The following FSTL4 variants were observed in gnomAD, a reference collection of about 807,000 sequenced individuals.
FSTL4 encodes the protein follistatin-related protein 4.
Under a neutral mutation model 78.2 loss-of-function variants are expected in FSTL4, and 28 were observed. That is an observed-to-expected ratio of 0.36 (90% confidence interval 0.27 to 0.49). The LOEUF (loss-of-function observed/expected upper bound fraction) is 0.49, where lower values mean the gene tolerates loss of function less well. Ranked by LOEUF, FSTL4 falls within the 20% of genes least tolerant of loss-of-function variation. The pLI is 0.98. For synonymous variants in FSTL4, 422 were observed against 440.5 expected (o/e 0.96, Z 0.53); for missense variants, 922 against 1,084.9 (o/e 0.85, Z 2.11).
At chr5:133,466,147 G>C (rs1247834392) in intron 3 of FSTL4, among the ~76,000 whole-genome samples, 5 of 152,194 alleles carry the variant, frequency 3.3e-5, no homozygotes, top group African/African-American at 1.2e-4. Context: ...AAAGGAGGGG[G>C]CAGGGTGGGG....
chr5:133,274,197 G>A (rs988146830), intron 6 of FSTL4, among the ~76,000 whole-genome samples: 3 of 152,054 alleles, frequency 2.0e-5, no homozygotes, highest in Non-Finnish European at 4.4e-5. Flanking sequence ...AGCCAAAGGT[G>A]GTTCCCATTT....
rs115581495 is a variant in FSTL4 at position 133,456,336 on chromosome 5, G to A, written c.161-55350C>T. The stretch of plus-strand genomic sequence containing the variant: ...CAAGTGGGCCATGCTCGGACTGGAC[G>A]CCAACTTAGGCCTTGTGATAGCTTT... On this transcript the variant is annotated intron_variant, in intron 3 of 15. Coordinates refer to ENST00000265342, the MANE Select transcript of FSTL4 (RefSeq NM_015082.2). 3.8e-3 allele frequency among the ~76,000 whole-genome samples: 586 copies of A among 152,340 alleles called. 2 individuals are homozygous for A. Among genetic ancestry groups the A allele is most frequent in the African/African-American group, 0.013 (532 of 41,588 alleles).
chr5:133,459,119 C>T (rs777608608), intron 3 of FSTL4, among the ~76,000 whole-genome samples: 6 of 152,216 alleles, frequency 3.9e-5, no homozygotes, highest in Non-Finnish European at 7.3e-5. Flanking sequence ...TCTCGGGAAG[C>T]TTTCAGCCAG....
Position 133,199,078 on chromosome 5 carries a change from G to A in FSTL4, c.*17C>T, listed in dbSNP as rs746807141. The A allele has an allele frequency of 4.1e-6, 6 of 1,457,980 alleles. No homozygotes were observed. The highest frequency in any genetic ancestry group is 1.4e-5 in the South Asian group (1 of 73,918). The allele number at this position is 1,457,980 out of a possible 1,614,324, so 90.3% of individuals were successfully genotyped here. On this transcript the variant is annotated 3_prime_UTR_variant, in exon 16 of 16. Coordinates refer to ENST00000265342, the MANE Select transcript of FSTL4 (RefSeq NM_015082.2). This position sits in a 1 kb window ranked among gnomAD's most constrained non-coding sequence, Gnocchi z 4.4. ...ACTAGGGGGTGTTCCTTGGCCCAGG[G>A]CTCTGCTCTGGGCCCTTCATACCTC...
At chr5:133,390,506 C>A (rs700714) in intron 4 of FSTL4, among the ~76,000 whole-genome samples, 68,683 of 152,172 alleles carry the variant, frequency 0.45, 17,144 homozygotes, top group Admixed American at 0.57. Flanking sequence ...TGGGCACAAG[C>A]TCACCTACAA....
At chr5:133,349,415 C>T (rs888734652) in intron 4 of FSTL4, among the ~76,000 whole-genome samples, 1 of 152,108 alleles carries the variant, frequency 6.6e-6, no homozygotes, top group Non-Finnish European at 1.5e-5. Context: ...ACCCACAAGG[C>T]ACAACCTCAC....
At chr5:133,233,344 G>A (rs1751552591) in intron 8 of FSTL4, 73 bp downstream of exon 8, 1 of 1,510,994 alleles carries the variant, frequency 6.6e-7, no homozygotes, top group Non-Finnish European at 9.2e-7. Context: ...AATACAGGAG[G>A]GGGCGAGGGT....
rs1175761180 is a variant in FSTL4, at chr5:133,338,795, CACT to C, written c.410-22146_410-22144del. On this transcript the variant is annotated intron_variant, in intron 4 of 15. Transcript: ENST00000265342. This position sits in a 1 kb window ranked among gnomAD's most constrained non-coding sequence, Gnocchi z 4.0. ...CCTGCTTCCCAAATCGCACACCTGG[CACT>C]ACCTCACCATCTTGCCCATCCCCAG... is the stretch of plus-strand genomic sequence containing the variant. Among the ~76,000 whole-genome samples the C allele has an allele frequency of 2.0e-5, 3 of 152,138 alleles. No individual in the cohort carries two copies. The highest frequency in any genetic ancestry group is 4.4e-5 in the Non-Finnish European group (3 of 68,026).
chr5:133,259,126 C>T (rs972374361), intron 6 of FSTL4, among the ~76,000 whole-genome samples: 2 of 142,416 alleles, frequency 1.4e-5, no homozygotes, highest in African/African-American at 5.4e-5. Context: ...ATAGAAAGAA[C>T]AAGATGAGAG....
chr5:133,631,056 C>G, the FSTL4 span, among the ~76,000 whole-genome samples: 1 of 152,108 alleles, frequency 6.6e-6, no homozygotes, highest in Admixed American at 6.6e-5. Flanking sequence ...TAGAAGCAAA[C>G]CTAGGCGATA....
At chr5:133,347,196 A>C (rs1378583575) in intron 4 of FSTL4, among the ~76,000 whole-genome samples, 1 of 151,988 alleles carries the variant, frequency 6.6e-6, no homozygotes, top group East Asian at 1.9e-4. Context: ...ACCGGTGTGC[A>C]TTGCCTGTGG....
At chr5:133,220,692 C>A in intron 12 of FSTL4, 56 bp downstream of exon 12, 1 of 907,970 alleles carries the variant, frequency 1.1e-6, no homozygotes, top group South Asian at 1.3e-5. Context: ...TAAAGATAGA[C>A]TTTTAGGATT....
At chr5:133,397,439 T>C (rs1756086651) in intron 4 of FSTL4, among the ~76,000 whole-genome samples, 1 of 152,212 alleles carries the variant, frequency 6.6e-6, no homozygotes, top group Non-Finnish European at 1.5e-5. Flanking sequence ...CAGCAATCCT[T>C]TTGAGTCTGG....
At chr5:133,418,024 G>T (rs957941094) in intron 3 of FSTL4, among the ~76,000 whole-genome samples, 4 of 136,572 alleles carry the variant, frequency 2.9e-5, no homozygotes, top group Non-Finnish European at 4.7e-5. Flanking sequence ...ACAGGAATCA[G>T]TAGACAGTGA....
the FSTL4 span, among the ~76,000 whole-genome samples, chr5:133,634,625 T>C: frequency 1.3e-5 from 2 of 152,218 alleles, no homozygotes; most frequent in African/African-American, 2.4e-5. Context: ...AGGAGAAATG[T>C]CTACTCCATC....
the FSTL4 span, among the ~76,000 whole-genome samples, chr5:133,646,732 C>T: frequency 6.6e-6 from 1 of 151,942 alleles, no homozygotes; most frequent in African/African-American, 2.4e-5. Context: ...AAGGATGACA[C>T]CAAGATTTTA....
the FSTL4 span, among the ~76,000 whole-genome samples, chr5:133,787,209 C>T: frequency 1.3e-5 from 2 of 151,816 alleles, no homozygotes; most frequent in Non-Finnish European, 2.9e-5. Flanking sequence ...TATACTTATA[C>T]TAAAATACGG....
chr5:133,765,390 C>G, the FSTL4 span, among the ~76,000 whole-genome samples: 1 of 152,148 alleles, frequency 6.6e-6, no homozygotes, highest in Non-Finnish European at 1.5e-5. Context: ...GTCCGGGGAC[C>G]TAATTCATCA....
chr5:133,680,251 A>C, the FSTL4 span, among the ~76,000 whole-genome samples: 1 of 152,156 alleles, frequency 6.6e-6, no homozygotes, highest in Admixed American at 6.5e-5. Flanking sequence ...GAGACCTACT[A>C]TGAGGCCCTG....
Sources: gnomAD v4.1 joint callset for allele counts (sites outside exome capture counted in the v4.1 genomes callset) on GRCh38, gnomAD v4.1.1 for gene constraint, Gnocchi (gnomAD v3.1) non-coding constraint, MANE v1.5 for transcripts, NCBI Gene and HGNC (gene_info 2026-07-23, HGNC 2026-07-21) for gene names.